DRC11: variants seen among roughly 807,000 people sequenced by gnomAD.
The protein encoded by DRC11 is IQ and AAA domain-containing protein 1.
the DRC11 span, among the ~76,000 whole-genome samples, chr2:236,357,186 C>CATATATTTATATATTATATATATTCAT: frequency 9.7e-6 from 1 of 102,716 alleles, no homozygotes; most frequent in Non-Finnish European, 1.8e-5. Flanking sequence ...TATATATATT[C>CATATATTTATATATTATATATATTCAT]ATATATATTA....
the DRC11 span, among the ~76,000 whole-genome samples, chr2:236,426,662 C>A: frequency 6.6e-6 from 1 of 152,188 alleles, no homozygotes; most frequent in Non-Finnish European, 1.5e-5. This position sits in a 1 kb window ranked among gnomAD's most constrained non-coding sequence, Gnocchi z 4.1. Flanking sequence ...CCACTTCAGC[C>A]TCCCAAAGTG....
chr2:236,392,651 T>C, the DRC11 span, among the ~76,000 whole-genome samples: 3 of 152,210 alleles, frequency 2.0e-5, no homozygotes, highest in Non-Finnish European at 4.4e-5. The surrounding 1 kb of genome is among the most constrained non-coding windows in gnomAD (Gnocchi z 5.1). Flanking sequence ...ATTATTATAA[T>C]CATGTAAAAA....
At chr2:236,480,080 G>A in the DRC11 span, among the ~76,000 whole-genome samples, 1 of 149,912 alleles carries the variant, frequency 6.7e-6, no homozygotes, top group East Asian at 2.0e-4. Context: ...CTACCTCCTG[G>A]CCTGTATGGT....
At chr2:236,423,451 T>C in the DRC11 span, among the ~76,000 whole-genome samples, 4 of 152,210 alleles carry the variant, frequency 2.6e-5, no homozygotes, top group East Asian at 5.8e-4. Context: ...CATGAAAACA[T>C]GCTCATCATC....
the DRC11 span, chr2:236,333,254 A>G: frequency 6.7e-6 from 1 of 149,792 alleles, no homozygotes; most frequent in Admixed American, 6.7e-5. This position sits in a 1 kb window ranked among gnomAD's most constrained non-coding sequence, Gnocchi z 6.0. Context: ...CATCAATTAC[A>G]AAAGACAACA....
the DRC11 span, chr2:236,497,272 A>AGGGGT: frequency 3.1e-6 from 5 of 1,613,906 alleles, no homozygotes; most frequent in Non-Finnish European, 4.2e-6. This position sits in a 1 kb window ranked among gnomAD's most constrained non-coding sequence, Gnocchi z 5.1. Context: ...CACCCCGTCC[A>AGGGGT]GGACTTTCCT....
the DRC11 span, among the ~76,000 whole-genome samples, chr2:236,343,245 T>TC: frequency 6.6e-6 from 1 of 152,102 alleles, no homozygotes; most frequent in Non-Finnish European, 1.5e-5. The surrounding 1 kb of genome is among the most constrained non-coding windows in gnomAD (Gnocchi z 6.6). Context: ...CAGCGCTCCT[T>TC]CCCCAGTGCT....
the DRC11 span, among the ~76,000 whole-genome samples, chr2:236,364,492 ACTT>A: frequency 6.6e-6 from 1 of 152,064 alleles, no homozygotes; most frequent in Non-Finnish European, 1.5e-5. Context: ...AGCAGCCTGA[ACTT>A]CTTTCTCCTG....
At chr2:236,366,471 C>A in the DRC11 span, among the ~76,000 whole-genome samples, 1 of 152,188 alleles carries the variant, frequency 6.6e-6, no homozygotes, top group African/African-American at 2.4e-5. Flanking sequence ...ATTCATCTGC[C>A]TAACGTTTCT....
At chr2:236,489,310 C>T in the DRC11 span, among the ~76,000 whole-genome samples, 1 of 135,486 alleles carries the variant, frequency 7.4e-6, no homozygotes, top group African/African-American at 2.9e-5. Context: ...CATGCTGGGG[C>T]CTGTGTGGGC....
chr2:236,480,877 T>C, the DRC11 span, among the ~76,000 whole-genome samples: 1 of 152,258 alleles, frequency 6.6e-6, no homozygotes, highest in Non-Finnish European at 1.5e-5. Flanking sequence ...TATGTTTGCT[T>C]AGGGGTTCTT....
chr2:236,404,256 C>A, the DRC11 span, among the ~76,000 whole-genome samples: 2 of 151,740 alleles, frequency 1.3e-5, no homozygotes, highest in Non-Finnish European at 2.9e-5. Flanking sequence ...ACCAATTATG[C>A]TCAATTAAGT....
chr2:236,491,046 G>C, the DRC11 span, among the ~76,000 whole-genome samples: 3 of 128,260 alleles, frequency 2.3e-5, no homozygotes, highest in African/African-American at 9.6e-5. Flanking sequence ...TATATATACA[G>C]TATATATATA....
chr2:236,459,569 G>GTATATA, the DRC11 span, among the ~76,000 whole-genome samples: 9 of 135,034 alleles, frequency 6.7e-5, no homozygotes, highest in African/African-American at 2.4e-4. Context: ...ACGTATATAT[G>GTATATA]TGTATACATA....
the DRC11 span, among the ~76,000 whole-genome samples, chr2:236,386,103 G>A: frequency 1.3e-5 from 2 of 149,952 alleles, no homozygotes; most frequent in Non-Finnish European, 3.0e-5. Context: ...TGTTCATCAA[G>A]GATATTGGTC....
At chr2:236,491,210 A>ACACACAG in the DRC11 span, among the ~76,000 whole-genome samples, 12 of 49,130 alleles carry the variant, frequency 2.4e-4, no homozygotes, top group African/African-American at 8.4e-4. Context: ...ATATATATAT[A>ACACACAG]TACACACAGT....
At chr2:236,497,492 G>A in the DRC11 span, 1 of 1,586,546 alleles carries the variant, frequency 6.3e-7, no homozygotes, top group Non-Finnish European at 8.6e-7. The surrounding 1 kb of genome is among the most constrained non-coding windows in gnomAD (Gnocchi z 5.1). Context: ...TACATTCTGG[G>A]GGAAGAGAGA....
the DRC11 span, among the ~76,000 whole-genome samples, chr2:236,504,064 C>G: frequency 6.6e-6 from 1 of 152,182 alleles, no homozygotes; most frequent in African/African-American, 2.4e-5. The surrounding 1 kb of genome is among the most constrained non-coding windows in gnomAD (Gnocchi z 5.0). Context: ...ATTTTCATCA[C>G]TGGGAAAGAA....
chr2:236,500,688 A>G, the DRC11 span, among the ~76,000 whole-genome samples: 1 of 152,152 alleles, frequency 6.6e-6, no homozygotes, highest in Non-Finnish European at 1.5e-5. This position sits in a 1 kb window ranked among gnomAD's most constrained non-coding sequence, Gnocchi z 6.3. Flanking sequence ...ATACAGAAAT[A>G]CCTGAGACTG....
Sources: allele counts gnomAD v4.1 joint callset (sites outside exome capture counted in the v4.1 genomes callset), GRCh38; gene constraint gnomAD v4.1.1; non-coding constraint Gnocchi (gnomAD v3.1); transcripts MANE v1.5; gene names NCBI Gene and HGNC (gene_info 2026-07-23, HGNC 2026-07-21).